Variants in CTTNBP2NL observed in about 807,000 individuals in gnomAD.
CTTNBP2NL encodes the protein CTTNBP2 N-terminal like.
CTTNBP2NL carries 16 observed loss-of-function variants against 32.5 expected under a neutral mutation model. That is an observed-to-expected ratio of 0.49 (90% CI 0.33 to 0.75). The LOEUF (loss-of-function observed/expected upper bound fraction) is 0.75, where lower values mean the gene tolerates loss of function less well. CTTNBP2NL is among the 30% of genes least tolerant of loss of function. The pLI, the probability that CTTNBP2NL is intolerant of heterozygous loss-of-function variation, is 0.02. For synonymous variants in CTTNBP2NL, 298 were observed against 289.4 expected (o/e 1.03, Z -0.30); for missense variants, 645 against 756.0 (o/e 0.85, Z 1.72).
At chr1:112,409,089 G>A (rs934856488) in intron 1 of CTTNBP2NL, among the ~76,000 whole-genome samples, 3 of 145,698 alleles carry the variant, frequency 2.1e-5, no homozygotes, top group African/African-American at 7.7e-5. Flanking sequence ...GGTTGTGCCA[G>A]TGCACTCCAG....
chr1:112,455,172 G>C (rs1158254640), intron 5 of CTTNBP2NL, among the ~76,000 whole-genome samples: 3 of 152,132 alleles, frequency 2.0e-5, no homozygotes, highest in Non-Finnish European at 2.9e-5. Context: ...GCCTCAAATA[G>C]GGTTGGGAAG....
At chr1:112,413,823 G>T (rs777279253) in intron 2 of CTTNBP2NL, among the ~76,000 whole-genome samples, 1 of 152,126 alleles carries the variant, frequency 6.6e-6, no homozygotes, top group Admixed American at 6.5e-5. Flanking sequence ...CAAGGCGGGC[G>T]GATCACCTGA....
intron 3 of CTTNBP2NL, among the ~76,000 whole-genome samples, chr1:112,443,160 T>C (rs1649944284): frequency 6.6e-6 from 1 of 152,222 alleles, no homozygotes; most frequent in South Asian, 2.1e-4. Flanking sequence ...TTATAAATAT[T>C]TATGGTTGCA....
In CTTNBP2NL at chr1:112,457,706, CTATT is replaced by C. The variant is rs1650424096; in HGVS notation, c.*296_*299del. On this transcript the variant is annotated 3_prime_UTR_variant, in exon 6 of 6. Transcript: ENST00000271277. The stretch of plus-strand genomic sequence containing the variant: ...GAATCACCAGGTGGTGATTTGCTAT[CTATT>C]TGAGAACTAGAATCACTCAACACTC... 2 of 286,236 alleles carry C rather than the reference CTATT, an allele frequency of 7.0e-6. No individual in the cohort carries two copies. The highest frequency in any genetic ancestry group is 1.3e-5 in the Non-Finnish European group (2 of 153,354). The allele number at this position is 286,236 out of a possible 1,614,324, so 17.7% of individuals were successfully genotyped here.
At chr1:112,410,326 A>G (rs913953344) in intron 1 of CTTNBP2NL, among the ~76,000 whole-genome samples, 4 of 151,896 alleles carry the variant, frequency 2.6e-5, no homozygotes, top group Non-Finnish European at 5.9e-5. Context: ...CGGGAGGCGA[A>G]GGCTGCGGTG....
chr1:112,405,616 C>T (rs1470992529), intron 1 of CTTNBP2NL, among the ~76,000 whole-genome samples: 2 of 152,104 alleles, frequency 1.3e-5, no homozygotes, highest in African/African-American at 4.8e-5. Context: ...TTTTTAATAG[C>T]TTTGCACTAA....
At chr1:112,418,678 GA>G (rs1649138309) in intron 3 of CTTNBP2NL, among the ~76,000 whole-genome samples, 1 of 152,014 alleles carries the variant, frequency 6.6e-6, no homozygotes, top group African/African-American at 2.4e-5. Context: ...CATTGCTCAT[GA>G]ACTGTCTGGG....
At chr1:112,448,371 T>A (rs1309900785) in intron 3 of CTTNBP2NL, among the ~76,000 whole-genome samples, 4 of 152,244 alleles carry the variant, frequency 2.6e-5, no homozygotes, top group African/African-American at 9.6e-5. Context: ...ATCCTGCTTA[T>A]ATTTTGCACA....
chr1:112,441,968 C>CT (rs1649902997), intron 3 of CTTNBP2NL, among the ~76,000 whole-genome samples: 2 of 152,268 alleles, frequency 1.3e-5, no homozygotes, highest in East Asian at 3.9e-4. Context: ...TAAAATAATA[C>CT]TTTCTTCAAC....
chr1:112,416,248 T>C lies in CTTNBP2NL; in HGVS notation c.83T>C (p.Val28Ala). Residue 28 changes from valine to alanine, a missense_variant, in exon 3 of 6, where the codon GTT (valine) becomes GCT (alanine). By Grantham distance (64) the Val-to-Ala change is moderately conservative. Transcript: ENST00000271277. ...LEGELEARDL[V>A]IEALKAQHRD... ...GGAGAGCTTGAAGCAAGGGACCTTG[T>C]TATAGAAGCCTTAAAGGTATGTTAA... 1.3e-6 allele frequency: 2 copies of C among 1,575,346 alleles called. No homozygotes were observed. Among genetic ancestry groups the C allele is most frequent in the Non-Finnish European group, 1.7e-6 (2 of 1,151,292 alleles).
At chr1:112,406,850 G>A (rs530298294) in intron 1 of CTTNBP2NL, among the ~76,000 whole-genome samples, 1 of 152,234 alleles carries the variant, frequency 6.6e-6, no homozygotes, top group South Asian at 2.1e-4. Context: ...TTTGAATAGA[G>A]TACTACAGTG....
chr1:112,418,112 T>C (rs1360245494), intron 3 of CTTNBP2NL, among the ~76,000 whole-genome samples: 2 of 152,220 alleles, frequency 1.3e-5, no homozygotes, highest in Non-Finnish European at 2.9e-5. Context: ...AGCTTCAAAA[T>C]AGATTTTTGT....
intron 1 of CTTNBP2NL, among the ~76,000 whole-genome samples, chr1:112,409,675 T>C (rs905767653): frequency 2.0e-5 from 3 of 152,196 alleles, no homozygotes; most frequent in Non-Finnish European, 4.4e-5. Context: ...GTGTTTCTTT[T>C]TCCGCCATTC....
At chr1:112,398,806 C>T (rs1197719853) in intron 1 of CTTNBP2NL, among the ~76,000 whole-genome samples, 3 of 131,370 alleles carry the variant, frequency 2.3e-5, no homozygotes, top group African/African-American at 9.3e-5. Context: ...GAAAGAGACC[C>T]TGTCTCTTAA....
chr1:112,404,619 T>A (rs1416599417), intron 1 of CTTNBP2NL, among the ~76,000 whole-genome samples: 2 of 152,174 alleles, frequency 1.3e-5, no homozygotes, highest in Non-Finnish European at 2.9e-5. Context: ...ATTTTACAAG[T>A]TATGGTGGCA....
chr1:112,454,390 T>A (rs1650307734), intron 4 of CTTNBP2NL, 59 bp from the exon 5 acceptor site: 1 of 1,256,606 alleles, frequency 8.0e-7, no homozygotes. Context: ...TATTATTGGT[T>A]GTATTAATAA....
rs1649412606 is a variant in CTTNBP2NL at position 112,426,682 on chromosome 1, C to T, written c.99+10418C>T. 2.7e-5 allele frequency among the ~76,000 whole-genome samples: 4 copies of T among 149,380 alleles called. No individual in the cohort carries two copies. In the South Asian group the frequency reaches 8.5e-4, roughly 32 times the overall value. The stretch of plus-strand genomic sequence containing the variant: ...AGTGCAGTGGCATGATCTCGGCTCA[C>T]TGCTACCTCTGCCTCCTGGATTCAA... On this transcript the variant is annotated intron_variant, in intron 3 of 5. Coordinates refer to ENST00000271277, the MANE Select transcript of CTTNBP2NL (RefSeq NM_018704.3).
At chr1:112,413,712 T>TA (rs2101000054) in intron 2 of CTTNBP2NL, among the ~76,000 whole-genome samples, 1 of 152,338 alleles carries the variant, frequency 6.6e-6, no homozygotes, top group South Asian at 2.1e-4. Context: ...ATATCCCTGA[T>TA]ACTAAAGTGA....
At position 112,457,271 on chromosome 1, in the gene CTTNBP2NL, A is replaced by G. The variant is rs781403894; in HGVS notation, c.1779A>G (p.Pro593=). The G allele has an allele frequency of 4.3e-6, 7 of 1,614,096 alleles. No homozygotes were observed. In the South Asian group the frequency reaches 7.7e-5, roughly 18 times the overall value. ...PPKKPGLTPS[P]SATTPLTKTH... ...AGAAACCTGGCCTCACCCCTTCTCC[A>G]TCTGCTACCACTCCATTGACCAAAA... The change falls in exon 6 of 6, where the codon CCA becomes CCG. Residue 593 remains proline (P), a synonymous_variant. Coordinates refer to ENST00000271277, the MANE Select transcript of CTTNBP2NL (RefSeq NM_018704.3).
Sources: gnomAD v4.1 joint callset for allele counts (sites outside exome capture counted in the v4.1 genomes callset) on GRCh38, gnomAD v4.1.1 for gene constraint, MANE v1.5 for transcripts, NCBI Gene and HGNC (gene_info 2026-07-23, HGNC 2026-07-21) for gene names.